Variants in DNAH7 observed in about 807,000 individuals in gnomAD.
The protein encoded by DNAH7 is axonemal beta dynein heavy chain 7.
DNAH7 carries 397 observed loss-of-function variants against 444.6 expected under a neutral mutation model. The observed-to-expected ratio is 0.89, with a 90% CI of 0.82 to 0.97. The LOEUF (loss-of-function observed/expected upper bound fraction) is 0.97, where lower values mean the gene tolerates loss of function less well. Among genes scored for constraint, DNAH7 ranks in the 50% least tolerant of loss-of-function variants. The pLI, the probability that DNAH7 is intolerant of heterozygous loss-of-function variation, is 0.00. For missense variants in DNAH7, 4,902 were observed against 4,800.8 expected, an observed-to-expected ratio of 1.02 and a Z score of -0.62; for synonymous variants, 1,636 against 1,624.4, an observed-to-expected ratio of 1.01 and a Z score of -0.17.
At position 195,981,683 on chromosome 2, in the gene DNAH7, C is replaced by T. The variant is rs559326981; in HGVS notation, c.1833+2949G>A. Among the ~76,000 whole-genome samples, 216 of 152,092 alleles carry T rather than the reference C, an allele frequency of 1.4e-3. 1 individual carries two copies. The highest frequency in any genetic ancestry group is 5.0e-3 in the African/African-American group (208 of 41,514). On this transcript the variant is annotated intron_variant, in intron 15 of 64. Transcript: ENST00000312428. ...CATAAATCTACAGTGAACTCATTTTCGAGAAAAATGCCAAGAACATACCTT... is the reference window on the plus strand; with the variant it reads ...CATAAATCTACAGTGAACTCATTTTTGAGAAAAATGCCAAGAACATACCTT...
At chr2:195,792,452 GGA>G (rs1458549652) in intron 57 of DNAH7, among the ~76,000 whole-genome samples, 2 of 130,084 alleles carry the variant, frequency 1.5e-5, no homozygotes, top group African/African-American at 5.6e-5. Context: ...AAAAACAGGG[GGA>G]GATGACTTCT....
chr2:195,787,996 C>A (rs1025510683), intron 57 of DNAH7, among the ~76,000 whole-genome samples: 1 of 152,130 alleles, frequency 6.6e-6, no homozygotes, highest in African/African-American at 2.4e-5. Flanking sequence ...GCTGGAGAAC[C>A]AGAAGCTGAG....
rs1329113044 is a variant in DNAH7 at position 195,858,458 on chromosome 2, AT to A, written c.8067+15del. On this transcript the variant is annotated intron_variant, in intron 43 of 64. Transcript: ENST00000312428. ...TGATGACATGTGTCCTAGAAAGTGT[AT>A]GGCGAAGCTCTTACCTGTGCAGTAA... The A allele has an allele frequency of 8.3e-6, 13 of 1,557,794 alleles. No homozygotes were observed. The highest frequency in any genetic ancestry group is 1.1e-5 in the Non-Finnish European group (13 of 1,153,546).
At chr2:195,797,574 G>A (rs962163315) in intron 55 of DNAH7, among the ~76,000 whole-genome samples, 1 of 152,224 alleles carries the variant, frequency 6.6e-6, no homozygotes, top group Non-Finnish European at 1.5e-5. Context: ...GGGTCGTCAA[G>A]CTTGTGTTGA....
intron 46 of DNAH7, among the ~76,000 whole-genome samples, chr2:195,845,414 T>A (rs1463866107): frequency 2.0e-5 from 3 of 152,184 alleles, no homozygotes; most frequent in Non-Finnish European, 4.4e-5. Context: ...GAATTTTGTA[T>A]CTGGAAAAAA....
intron 63 of DNAH7, among the ~76,000 whole-genome samples, chr2:195,744,993 G>A (rs1226504734): frequency 1.3e-5 from 2 of 152,234 alleles, no homozygotes; most frequent in Admixed American, 6.5e-5. Flanking sequence ...CAACGGAACA[G>A]AGCTGGACGG....
At chr2:196,052,997 G>GAGA (rs1425002153) in intron 2 of DNAH7, among the ~76,000 whole-genome samples, 1 of 151,764 alleles carries the variant, frequency 6.6e-6, no homozygotes, top group Non-Finnish European at 1.5e-5. Context: ...GTCGTGGAAA[G>GAGA]GACTAAGTCC....
Position 195,845,099 on chromosome 2 carries a change from G to A in DNAH7, c.8848C>T (p.Leu2950Phe), listed in dbSNP as rs189560274. 2.7e-4 allele frequency: 443 copies of A among 1,613,878 alleles called. 7 individuals are homozygous for A. The South Asian group carries it at 4.7e-3, about 17-fold the overall frequency. Residue 2950 changes from leucine (L) to phenylalanine (F), a missense_variant, in exon 47 of 65, where the codon CTT becomes TTT. Transcript: ENST00000312428. ...ACAGCTTCTCCCAGGGTACCCATAAGAGAGCAATCATCTGAGCAGGGGATA... is the reference window on the plus strand; with the variant it reads ...ACAGCTTCTCCCAGGGTACCCATAAAAGAGCAATCATCTGAGCAGGGGATA... ...RDIPCSDDCS[L>F]MGTLGEAVTI...
chr2:195,890,402 G>C (rs967008440), intron 31 of DNAH7, among the ~76,000 whole-genome samples: 6 of 152,198 alleles, frequency 3.9e-5, no homozygotes, highest in African/African-American at 1.4e-4. Flanking sequence ...CTACTTATGA[G>C]CTGTGGACTT....
intron 1 of DNAH7, among the ~76,000 whole-genome samples, chr2:196,067,237 G>A (rs866307207): frequency 9.2e-5 from 14 of 152,126 alleles, no homozygotes; most frequent in Admixed American, 2.0e-4. Context: ...AAATACCATT[G>A]GAAATGTGGT....
intron 63 of DNAH7, among the ~76,000 whole-genome samples, chr2:195,741,527 A>G (rs1559063146): frequency 6.6e-6 from 1 of 152,212 alleles, no homozygotes. Flanking sequence ...TCTGCAGGTA[A>G]AACTGATTGT....
At chr2:195,856,322 T>A (rs1699702827) in intron 44 of DNAH7, among the ~76,000 whole-genome samples, 1 of 152,158 alleles carries the variant, frequency 6.6e-6, no homozygotes, top group Admixed American at 6.5e-5. Flanking sequence ...TGAGTTTTCA[T>A]GAGAAAGTGA....
intron 15 of DNAH7, among the ~76,000 whole-genome samples, chr2:195,981,782 C>A (rs1692590485): frequency 6.6e-6 from 1 of 152,188 alleles, no homozygotes; most frequent in Admixed American, 6.6e-5. Flanking sequence ...TGATACTAGA[C>A]CTCTGTCTCT....
Position 196,019,312 on chromosome 2 carries a change from T to C in DNAH7, c.744-17A>G, listed in dbSNP as rs758002422. 8.3e-6 allele frequency: 12 copies of C among 1,451,968 alleles called. 1 individual carries two copies. Among genetic ancestry groups the C allele is most frequent in the Non-Finnish European group, 2.8e-6 (3 of 1,084,968 alleles). The allele number at this position is 1,451,968 out of a possible 1,614,324, so 89.9% of individuals were successfully genotyped here. On this transcript the variant is annotated splice_polypyrimidine_tract_variant and intron_variant, in intron 8 of 64. Transcript: ENST00000312428. The stretch of plus-strand genomic sequence containing the variant: ...ATTTCCATTCTGAAAACAAAGAAAA[T>C]ATTTAGTTACAGTCTCAAAAAAAGT...
intron 63 of DNAH7, among the ~76,000 whole-genome samples, chr2:195,747,931 G>A (rs1379712368): frequency 2.0e-5 from 3 of 152,324 alleles, no homozygotes; most frequent in Non-Finnish European, 2.9e-5. Context: ...GCACAAGACA[G>A]GGATGCCCTC....
intron 16 of DNAH7, among the ~76,000 whole-genome samples, chr2:195,970,371 C>A (rs1342039061): frequency 6.6e-6 from 1 of 152,098 alleles, no homozygotes; most frequent in Non-Finnish European, 1.5e-5. Flanking sequence ...AAATGTTAGA[C>A]AATGGTGATC....
At chr2:196,004,787 C>T (rs570603066) in intron 10 of DNAH7, among the ~76,000 whole-genome samples, 2 of 114,306 alleles carry the variant, frequency 1.7e-5, no homozygotes, top group East Asian at 4.0e-4. Context: ...CTGTCTCACA[C>T]ACACACACAC....
At chr2:195,800,819 T>C (rs1190456202) in intron 54 of DNAH7, among the ~76,000 whole-genome samples, 1 of 152,092 alleles carries the variant, frequency 6.6e-6, no homozygotes, top group Admixed American at 6.5e-5. Context: ...AGCCTCAAAA[T>C]GAAAGGCAAA....
chr2:195,825,970 TTTTTA>T (rs1238233143), intron 48 of DNAH7, among the ~76,000 whole-genome samples: 1 of 152,246 alleles, frequency 6.6e-6, no homozygotes, highest in African/African-American at 2.4e-5. Context: ...TTTGAACTCA[TTTTTA>T]TTTTCTACTT....
Sources: allele counts gnomAD v4.1 joint callset (sites outside exome capture counted in the v4.1 genomes callset), GRCh38; gene constraint gnomAD v4.1.1; transcripts MANE v1.5; gene names NCBI Gene and HGNC (gene_info 2026-07-23, HGNC 2026-07-21).